Variants in EPM2A observed in about 807,000 individuals in gnomAD.
EPM2A encodes laforin.
A neutral mutation model predicts 26.5 loss-of-function variants in EPM2A; 21 were observed. The observed-to-expected ratio is 0.79, with a 90% CI of 0.56 to 1.14. EPM2A has a LOEUF of 1.14. EPM2A is among the 50% of genes most tolerant of loss of function. The pLI, the probability that EPM2A is intolerant of heterozygous loss-of-function variation, is 0.00. For synonymous variants in EPM2A, 217 were observed against 177.6 expected, an observed-to-expected ratio of 1.22 and a Z score of -1.76; for missense variants, 458 against 440.8, an observed-to-expected ratio of 1.04 and a Z score of -0.35.
intron 1 of EPM2A, among the ~76,000 whole-genome samples, chr6:145,702,931 T>A (rs532350134): frequency 4.6e-5 from 7 of 152,300 alleles, no homozygotes; most frequent in Admixed American, 4.6e-4. Context: ...TCTATTTTTA[T>A]AAAATAACTT....
intron 2 of EPM2A, among the ~76,000 whole-genome samples, chr6:145,660,242 TC>T (rs1778591358): frequency 6.6e-6 from 1 of 151,972 alleles, no homozygotes; most frequent in African/African-American, 2.4e-5. Context: ...TGAAAAGAGA[TC>T]CCCATAGCTC....
chr6:145,670,582 G>A (rs1033372172), intron 2 of EPM2A, among the ~76,000 whole-genome samples: 4 of 152,100 alleles, frequency 2.6e-5, no homozygotes, highest in Non-Finnish European at 5.9e-5. Flanking sequence ...TTAGCTGATA[G>A]GTTCTAAATG....
chr6:145,388,010 G>A (rs1335351915), intron 4 of EPM2A, among the ~76,000 whole-genome samples: 1 of 152,148 alleles, frequency 6.6e-6, no homozygotes, highest in Non-Finnish European at 1.5e-5. Context: ...AGGCATATAT[G>A]TTTGTCCCAC....
intron 2 of EPM2A, among the ~76,000 whole-genome samples, chr6:145,512,604 T>G (rs1411773731): frequency 6.8e-6 from 1 of 146,350 alleles, no homozygotes; most frequent in Admixed American, 7.1e-5. Context: ...CCTAGCTACT[T>G]AGGAGACTGA....
intron 2 of EPM2A, among the ~76,000 whole-genome samples, chr6:145,647,403 C>A (rs1488911312): frequency 6.6e-6 from 1 of 152,216 alleles, no homozygotes. Flanking sequence ...CCTACATGAT[C>A]TTCCTTGATC....
chr6:145,735,123 G>C, intron 1 of EPM2A, 75 bp downstream of exon 1: 1 of 1,193,034 alleles, frequency 8.4e-7, no homozygotes, highest in South Asian at 1.5e-5. Context: ...GGGCCTGCCC[G>C]AGGCCGAGGC....
intron 2 of EPM2A, among the ~76,000 whole-genome samples, chr6:145,644,429 C>T (rs1014489254): frequency 7.9e-5 from 12 of 152,030 alleles, no homozygotes; most frequent in African/African-American, 2.9e-4. Context: ...TAAAATTGTG[C>T]TATATTTTGA....
intron 4 of EPM2A, among the ~76,000 whole-genome samples, chr6:145,418,474 C>T (rs989776824): frequency 6.6e-6 from 1 of 152,178 alleles, no homozygotes; most frequent in Admixed American, 6.5e-5. Context: ...ACTGCCCAGC[C>T]ATCCAGAAAT....
chr6:145,706,941 A>G (rs752489070), intron 1 of EPM2A, among the ~76,000 whole-genome samples: 10 of 152,184 alleles, frequency 6.6e-5, no homozygotes, highest in Non-Finnish European at 1.2e-4. Context: ...CTCCACCCTC[A>G]TTAGTGGGAT....
At chr6:145,388,466 G>C (rs1375834745) in intron 4 of EPM2A, among the ~76,000 whole-genome samples, 1 of 152,048 alleles carries the variant, frequency 6.6e-6, no homozygotes, top group African/African-American at 2.4e-5. Context: ...CCTAACCCCA[G>C]ATAAAACCCA....
chr6:145,708,502 G>A (rs995949991), intron 1 of EPM2A, among the ~76,000 whole-genome samples: 1 of 152,198 alleles, frequency 6.6e-6, no homozygotes, highest in African/African-American at 2.4e-5. Flanking sequence ...CCAAGGTACA[G>A]CTCAAGCCAT....
chr6:145,546,386 C>T (rs79043789), intron 2 of EPM2A, among the ~76,000 whole-genome samples: 12,198 of 152,134 alleles, frequency 0.08, 577 homozygotes, highest in East Asian at 0.17. Flanking sequence ...TATCTGGGTG[C>T]TCAGTTTATT....
chr6:145,532,081 T>C (rs1780364757), intron 2 of EPM2A, among the ~76,000 whole-genome samples: 2 of 152,206 alleles, frequency 1.3e-5, no homozygotes, highest in African/African-American at 4.8e-5. Flanking sequence ...AGAATGTTGC[T>C]AATTATACTC....
chr6:145,690,546 G>T (rs1275758668), intron 1 of EPM2A, among the ~76,000 whole-genome samples: 2 of 137,730 alleles, frequency 1.5e-5, no homozygotes, highest in Admixed American at 7.3e-5. Context: ...AAAAAAAAGA[G>T]CTAACCTCAT....
chr6:145,657,514 C>A (rs1030565370), intron 2 of EPM2A, among the ~76,000 whole-genome samples: 3 of 152,152 alleles, frequency 2.0e-5, no homozygotes, highest in African/African-American at 7.2e-5. Flanking sequence ...CTATTAGATT[C>A]TATTTAATTT....
chr6:145,467,453 G>A (rs1313636347), intron 4 of EPM2A, among the ~76,000 whole-genome samples: 1 of 152,086 alleles, frequency 6.6e-6, no homozygotes, highest in Non-Finnish European at 1.5e-5. Context: ...CAGTCAAGCT[G>A]CCTCTTCCTG....
chr6:145,436,861 T>C (rs1472236495), intron 4 of EPM2A, among the ~76,000 whole-genome samples: 1 of 152,148 alleles, frequency 6.6e-6, no homozygotes, highest in African/African-American at 2.4e-5. Context: ...AGTTTCTATT[T>C]GTTTTTTCTT....
rs142950317 is a variant in EPM2A at position 145,419,427 on chromosome 6, TG to T, written c.556-35331del. 3.1e-3 allele frequency among the ~76,000 whole-genome samples: 468 copies of T among 152,272 alleles called. 9 individuals are homozygous for T. The East Asian group carries it at 0.053, about 17-fold the overall frequency. ...AAAAAATATTTAAAGCACAGGCAGATGGAAACCTAAGAATAGAAACAGAAAT... is the reference window on the plus strand; with the variant it reads ...AAAAAATATTTAAAGCACAGGCAGATGAAACCTAAGAATAGAAACAGAAAT... On this transcript the variant is annotated intron_variant, in intron 4 of 4. Transcript: ENST00000638717.
chr6:145,442,058 ATCT>A (rs1382513489), intron 4 of EPM2A, among the ~76,000 whole-genome samples: 2 of 152,166 alleles, frequency 1.3e-5, no homozygotes, highest in African/African-American at 4.8e-5. Flanking sequence ...AACAAGAGTC[ATCT>A]TTGCTCTCGT....
Sources: allele counts gnomAD v4.1 joint callset (sites outside exome capture counted in the v4.1 genomes callset), GRCh38; gene constraint gnomAD v4.1.1; transcripts MANE v1.5; gene names NCBI Gene and HGNC (gene_info 2026-07-23, HGNC 2026-07-21).